Variants in GPC6 observed in about 807,000 individuals in gnomAD.
GPC6 encodes the protein glypican 6.
Under a neutral mutation model 55.2 loss-of-function variants are expected in GPC6, and 14 were observed. That is an observed-to-expected ratio of 0.25 (90% CI 0.17 to 0.40). The LOEUF is 0.40. Ranked by LOEUF, GPC6 falls within the 10% of genes least tolerant of loss-of-function variation. The pLI is 1.00. For missense variants in GPC6, 641 were observed against 708.5 expected (o/e 0.90, Z 1.08); for synonymous variants, 278 against 259.6 (o/e 1.07, Z -0.68).
intron 4 of GPC6, among the ~76,000 whole-genome samples, chr13:94,082,047 G>A (rs1007667719): frequency 6.6e-6 from 1 of 151,710 alleles, no homozygotes; most frequent in African/African-American, 2.4e-5. Flanking sequence ...CACCATATTG[G>A]TCAGGCTGTT....
chr13:93,472,664 G>C (rs1200959201), intron 1 of GPC6, among the ~76,000 whole-genome samples: 1 of 152,186 alleles, frequency 6.6e-6, no homozygotes, highest in African/African-American at 2.4e-5. Flanking sequence ...TGGGCTCCTA[G>C]AAGGGCCACA....
chr13:93,436,780 T>C (rs764395947), intron 1 of GPC6, among the ~76,000 whole-genome samples: 8 of 152,238 alleles, frequency 5.3e-5, no homozygotes, highest in East Asian at 1.9e-4. Context: ...TATTCTAGAA[T>C]AGACAGGGAG....
At chr13:93,905,190 C>T (rs1366862006) in intron 3 of GPC6, among the ~76,000 whole-genome samples, 1 of 150,590 alleles carries the variant, frequency 6.6e-6, no homozygotes, top group African/African-American at 2.4e-5. Flanking sequence ...TTAGAAACTG[C>T]ATTGTATGGT....
At chr13:94,369,202 T>C (rs537052430) in intron 6 of GPC6, among the ~76,000 whole-genome samples, 36 of 152,326 alleles carry the variant, frequency 2.4e-4, no homozygotes, top group African/African-American at 7.7e-4. Context: ...AATGGACACA[T>C]TGGAATCTTT....
intron 1 of GPC6, among the ~76,000 whole-genome samples, chr13:93,322,055 G>A (rs1306391828): frequency 6.6e-6 from 1 of 151,984 alleles, no homozygotes; most frequent in Non-Finnish European, 1.5e-5. Flanking sequence ...TTATACAATT[G>A]TATAAAAAGA....
chr13:93,562,986 T>A (rs935347721), intron 2 of GPC6, among the ~76,000 whole-genome samples: 2 of 152,220 alleles, frequency 1.3e-5, no homozygotes, highest in African/African-American at 4.8e-5. Context: ...AAAACAAATC[T>A]AATTACCTTG....
At chr13:93,827,904 C>A (rs915364726) in intron 2 of GPC6, among the ~76,000 whole-genome samples, 2 of 149,808 alleles carry the variant, frequency 1.3e-5, no homozygotes, top group Non-Finnish European at 3.0e-5. Flanking sequence ...TAAAAAAAAA[C>A]TGAAGGAGGT....
intron 2 of GPC6, among the ~76,000 whole-genome samples, chr13:93,740,336 C>A (rs1330289811): frequency 6.6e-6 from 1 of 152,162 alleles, no homozygotes; most frequent in Non-Finnish European, 1.5e-5. Flanking sequence ...AAACATGTAG[C>A]TGGAACTAAA....
At chr13:93,396,083 T>C (rs975530606) in intron 1 of GPC6, among the ~76,000 whole-genome samples, 11 of 152,204 alleles carry the variant, frequency 7.2e-5, no homozygotes, top group African/African-American at 2.7e-4. Flanking sequence ...CTTGACCTAC[T>C]GGTATCAACA....
intron 1 of GPC6, among the ~76,000 whole-genome samples, chr13:93,371,312 T>C (rs143254752): frequency 1.0e-3 from 154 of 152,248 alleles, no homozygotes; most frequent in African/African-American, 3.3e-3. Flanking sequence ...CAAAGGATTA[T>C]ATTAAATAGG....
At chr13:93,546,371 T>A (rs1221987614) in intron 2 of GPC6, among the ~76,000 whole-genome samples, 2 of 152,234 alleles carry the variant, frequency 1.3e-5, no homozygotes, top group Non-Finnish European at 2.9e-5. Context: ...GTGTAGTAGG[T>A]AAAATGTTCC....
chr13:93,732,375 A>G (rs1232361202), intron 2 of GPC6, among the ~76,000 whole-genome samples: 1 of 152,206 alleles, frequency 6.6e-6, no homozygotes, highest in Non-Finnish European at 1.5e-5. Context: ...TTGGAGATGA[A>G]TATAAGACAG....
chr13:93,220,763 G>T, the GPC6 span, among the ~76,000 whole-genome samples: 2 of 152,022 alleles, frequency 1.3e-5, no homozygotes, highest in Non-Finnish European at 2.9e-5. Context: ...TAAATATTTG[G>T]TTACTCAATA....
intron 2 of GPC6, among the ~76,000 whole-genome samples, chr13:93,796,524 C>G (rs1886201816): frequency 6.6e-6 from 1 of 151,970 alleles, no homozygotes; most frequent in Non-Finnish European, 1.5e-5. Context: ...AAAAAAATGA[C>G]ATTCTGAACA....
rs1269744080 is a variant in GPC6, at chr13:94,356,077, ACATGTCCCTGCAGCTCCATC to A, written c.1153-26324_1153-26305del. Among the ~76,000 whole-genome samples the A allele has an allele frequency of 4.0e-5, 6 of 151,520 alleles. No individual in the cohort carries two copies. The East Asian group carries it at 1.3e-3, about 32-fold the overall frequency. On this transcript the variant is annotated intron_variant, in intron 6 of 8. Transcript: ENST00000377047. The stretch of plus-strand genomic sequence containing the variant: ...AGCTCCATCCATGTCCCTGCAAAGG[ACATGTCCCTGCAGCTCCATC>A]CATGTCCCTGCAAAGGACATGATCT...
intron 4 of GPC6, among the ~76,000 whole-genome samples, chr13:94,136,632 C>T (rs975810583): frequency 2.6e-5 from 4 of 152,068 alleles, no homozygotes; most frequent in African/African-American, 9.7e-5. Flanking sequence ...ATGGCGTGAA[C>T]CCGGGAAGCA....
chr13:93,506,368 T>C (rs1045897465), intron 1 of GPC6, among the ~76,000 whole-genome samples: 1 of 152,328 alleles, frequency 6.6e-6, no homozygotes, highest in African/African-American at 2.4e-5. Context: ...TCCCGTGCTT[T>C]ATTCCAGTAA....
intron 1 of GPC6, among the ~76,000 whole-genome samples, chr13:93,449,173 A>G (rs569570713): frequency 6.6e-6 from 1 of 152,236 alleles, no homozygotes; most frequent in Non-Finnish European, 1.5e-5. Flanking sequence ...ATGCTGTGAT[A>G]AAAGTACAGA....
In GPC6 at chr13:94,294,855, C is replaced by T. The variant is rs184435326; in HGVS notation, c.1008+8376C>T. Among the ~76,000 whole-genome samples, 7 of 152,090 alleles carry T rather than the reference C, an allele frequency of 4.6e-5. No individual in the cohort carries two copies. In the East Asian group the frequency reaches 1.2e-3, roughly 25 times the overall value. On this transcript the variant is annotated intron_variant, in intron 5 of 8. Transcript: ENST00000377047. ...AGTGAGCATATTATTCCTTTTTTTA[C>T]GGTTATTTTTGTGCTTACTTTCTCC...
Sources: gnomAD v4.1 joint callset for allele counts (sites outside exome capture counted in the v4.1 genomes callset) on GRCh38, gnomAD v4.1.1 for gene constraint, MANE v1.5 for transcripts, NCBI Gene and HGNC (gene_info 2026-07-23, HGNC 2026-07-21) for gene names.